The following NTM variants were observed in gnomAD, a reference collection of about 807,000 sequenced individuals.
NTM encodes IgLON family member 2.
NTM carries 13 observed loss-of-function variants against 42.1 expected under a neutral mutation model. The observed-to-expected ratio is 0.31, with a 90% CI of 0.20 to 0.49. NTM has a LOEUF of 0.49. NTM is among the 20% of genes least tolerant of loss of function. The pLI, the probability that NTM is intolerant of heterozygous loss-of-function variation, is 0.99. For synonymous variants in NTM, 187 were observed against 179.2 expected, an observed-to-expected ratio of 1.04 and a Z score of -0.35; for missense variants, 373 against 452.8, an observed-to-expected ratio of 0.82 and a Z score of 1.60.
intron 1 of NTM, among the ~76,000 whole-genome samples, chr11:131,800,359 G>A (rs1374398149): frequency 2.0e-5 from 3 of 152,188 alleles, no homozygotes; most frequent in Admixed American, 6.5e-5. Context: ...TGTGACAGGA[G>A]ACTGCTTTAG....
At chr11:131,975,189 T>G (rs760813050) in intron 2 of NTM, among the ~76,000 whole-genome samples, 2 of 143,904 alleles carry the variant, frequency 1.4e-5, no homozygotes, top group African/African-American at 2.6e-5. Context: ...AATCTTGCCT[T>G]CTTTTTTTTT....
intron 2 of NTM, among the ~76,000 whole-genome samples, chr11:132,070,503 T>TAGTTAACACGTCACACAGCCA (rs2057401207): frequency 2.6e-5 from 3 of 116,746 alleles, no homozygotes; most frequent in African/African-American, 1.0e-4. Flanking sequence ...CGTCACAGGT[T>TAGTTAACACGTCACACAGCCA]AGTTAACACG....
At chr11:132,270,911 A>G (rs1169062220) in intron 4 of NTM, among the ~76,000 whole-genome samples, 1 of 152,254 alleles carries the variant, frequency 6.6e-6, no homozygotes, top group East Asian at 1.9e-4. Flanking sequence ...TATGATTAAC[A>G]TAGCTTACAC....
At position 132,131,192 on chromosome 11, in the gene NTM, C is replaced by T. The variant is rs531006781; in HGVS notation, c.168-15090C>T. Among the ~76,000 whole-genome samples the T allele has an allele frequency of 3.5e-3, 528 of 152,242 alleles. 1 individual carries two copies. The highest frequency in any genetic ancestry group is 6.2e-3 in the Non-Finnish European group (419 of 68,032). On this transcript the variant is annotated intron_variant, in intron 2 of 8. Coordinates refer to ENST00000683400, the MANE Select transcript of NTM (RefSeq NM_001352005.2). ...ATAGCTCACATGTGCTATAGATGCA[C>T]GCGTGTTATGCTTCTGGCAGCCCGG...
chr11:131,937,933 G>C (rs1011563807), intron 2 of NTM, among the ~76,000 whole-genome samples: 1 of 152,146 alleles, frequency 6.6e-6, no homozygotes, highest in African/African-American at 2.4e-5. Flanking sequence ...TTTTTGGTGA[G>C]ATTACTGAGC....
intron 3 of NTM, among the ~76,000 whole-genome samples, chr11:132,187,580 A>G (rs998163459): frequency 3.3e-5 from 5 of 152,148 alleles, no homozygotes; most frequent in Admixed American, 1.3e-4. Context: ...GTAATGAGCC[A>G]TTCAGCAGCT....
chr11:131,775,774 T>G (rs923376489), intron 1 of NTM, among the ~76,000 whole-genome samples: 3 of 152,204 alleles, frequency 2.0e-5, no homozygotes, highest in African/African-American at 7.2e-5. Flanking sequence ...TACAGTAATG[T>G]AAGAAACTCA....
chr11:132,120,163 A>G (rs986360595), intron 2 of NTM, among the ~76,000 whole-genome samples: 2 of 149,852 alleles, frequency 1.3e-5, no homozygotes, highest in Admixed American at 6.6e-5. Context: ...CCTCCTGTTT[A>G]TGTTGCTATT....
chr11:132,106,034 G>A lies in NTM; in HGVS notation c.168-40248G>A, dbSNP rs187413853. On this transcript the variant is annotated intron_variant, in intron 2 of 8. Coordinates refer to ENST00000683400, the MANE Select transcript of NTM (RefSeq NM_001352005.2). ...AGGGTGGCCTGGGATCATGGGCTCCGTGGCAACCAGGGTGGATATTGGTCT... is the reference window on the plus strand; with the variant it reads ...AGGGTGGCCTGGGATCATGGGCTCCATGGCAACCAGGGTGGATATTGGTCT... Among the ~76,000 whole-genome samples the A allele has an allele frequency of 2.3e-4, 35 of 152,244 alleles. 1 individual carries two copies. In the East Asian group the frequency reaches 5.8e-3, roughly 25 times the overall value.
intron 1 of NTM, among the ~76,000 whole-genome samples, chr11:131,798,270 TC>T (rs947358536): frequency 2.0e-5 from 3 of 152,186 alleles, no homozygotes; most frequent in African/African-American, 7.2e-5. Flanking sequence ...CTGCTCCTCT[TC>T]CCAGTCGCCA....
intron 2 of NTM, among the ~76,000 whole-genome samples, chr11:132,033,916 G>T (rs1462503691): frequency 6.6e-6 from 1 of 152,148 alleles, no homozygotes; most frequent in Non-Finnish European, 1.5e-5. Flanking sequence ...ATTAGGTTTT[G>T]ACAAACTGGT....
intron 1 of NTM, among the ~76,000 whole-genome samples, chr11:131,719,344 A>G (rs1419900335): frequency 6.6e-6 from 1 of 152,228 alleles, no homozygotes; most frequent in East Asian, 1.9e-4. Flanking sequence ...GAAATTGTGC[A>G]TAAATCCTCC....
intron 2 of NTM, among the ~76,000 whole-genome samples, chr11:132,034,667 G>C (rs529647723): frequency 6.6e-6 from 1 of 152,294 alleles, no homozygotes; most frequent in African/African-American, 2.4e-5. Context: ...AGGGACAAAG[G>C]AACCTGGAGA....
chr11:131,804,497 C>T (rs2092367217), intron 1 of NTM, among the ~76,000 whole-genome samples: 1 of 152,144 alleles, frequency 6.6e-6, no homozygotes. Flanking sequence ...CTCAGTGAGA[C>T]CTCTGGATTT....
intron 4 of NTM, among the ~76,000 whole-genome samples, chr11:132,242,468 T>C (rs1447946960): frequency 6.6e-6 from 1 of 152,192 alleles, no homozygotes; most frequent in African/African-American, 2.4e-5. Context: ...AAAGAAAGAA[T>C]AGCAAAGAAA....
chr11:132,052,222 AAAG>A (rs1447225796), intron 2 of NTM, among the ~76,000 whole-genome samples: 2 of 152,206 alleles, frequency 1.3e-5, no homozygotes, highest in Non-Finnish European at 2.9e-5. Flanking sequence ...CTTAATCCAC[AAAG>A]CTGTGATCCC....
rs561428974 is a variant in NTM, at chr11:131,738,847, G to A, written c.83-172717G>A. Among the ~76,000 whole-genome samples, 8 of 152,294 alleles carry A rather than the reference G, an allele frequency of 5.3e-5. No individual in the cohort carries two copies. In the South Asian group the frequency reaches 1.7e-3, roughly 32 times the overall value. On this transcript the variant is annotated intron_variant, in intron 1 of 8. Transcript: ENST00000683400. ...GTTGAATGTAAATGATTTGTACGTG[G>A]AGAGAGGAGTGCTTGGTCAGACTTC...
chr11:131,559,689 A>T (rs1002990478), intron 1 of NTM, among the ~76,000 whole-genome samples: 21 of 152,340 alleles, frequency 1.4e-4, no homozygotes, highest in African/African-American at 5.1e-4. Context: ...TCTCTTTCAA[A>T]TAGTGGTCTA....
intron 2 of NTM, among the ~76,000 whole-genome samples, chr11:132,115,722 T>G (rs2063792598): frequency 6.6e-6 from 1 of 152,184 alleles, no homozygotes; most frequent in South Asian, 2.1e-4. Context: ...GCCCTTGTCT[T>G]TCTAATGTTT....
Sources: allele counts gnomAD v4.1 joint callset (sites outside exome capture counted in the v4.1 genomes callset), GRCh38; gene constraint gnomAD v4.1.1; transcripts MANE v1.5; gene names NCBI Gene and HGNC (gene_info 2026-07-23, HGNC 2026-07-21).